The following COL3A1 variants were observed in gnomAD, a reference collection of about 807,000 sequenced individuals.
COL3A1 encodes the protein collagen alpha-1(III) chain.
Under a neutral mutation model 200.9 loss-of-function variants are expected in COL3A1, and 46 were observed. That is an observed-to-expected ratio of 0.23 (90% CI 0.18 to 0.29). The LOEUF (loss-of-function observed/expected upper bound fraction) is 0.29. Among genes scored for constraint, COL3A1 ranks in the 10% least tolerant of loss-of-function variants. COL3A1 has a pLI of 1.00. For missense variants in COL3A1, 1,367 were observed against 1,917.6 expected (o/e 0.71, Z 5.36); for synonymous variants, 650 against 628.0 (o/e 1.03, Z -0.52).
chr2:188,999,136 C>A (rs776550153), intron 29 of COL3A1, 149 bp from the exon 30 acceptor site: 4 of 779,680 alleles, frequency 5.1e-6, no homozygotes, highest in East Asian at 5.3e-5. Flanking sequence ...TAGTTCCCAC[C>A]CAGCTGTTCA....
intron 1 of COL3A1, among the ~76,000 whole-genome samples, chr2:188,980,773 T>G (rs997999587): frequency 6.6e-6 from 1 of 151,002 alleles, no homozygotes; most frequent in Non-Finnish European, 1.5e-5. Flanking sequence ...TTATTAAAAT[T>G]TATGTTTTCC....
chr2:189,010,378 A>G lies in COL3A1; in HGVS notation c.4011+13A>G. On this transcript the variant is annotated intron_variant, in intron 49 of 50. Transcript: ENST00000304636. ...TGGTGGTTTTCAGGTAGGAAAGGATATACCTTTTTTTAAATAAGTCACCTC... is the reference window on the plus strand; with the variant it reads ...TGGTGGTTTTCAGGTAGGAAAGGATGTACCTTTTTTTAAATAAGTCACCTC... The G allele has an allele frequency of 6.2e-7, 1 of 1,613,832 alleles. No homozygotes were observed. Among genetic ancestry groups the G allele is most frequent in the Non-Finnish European group, 8.5e-7 (1 of 1,179,744 alleles).
intron 8 of COL3A1, among the ~76,000 whole-genome samples, 186 bp downstream of exon 8, chr2:188,989,635 AT>A (rs1182632174): frequency 2.6e-5 from 4 of 152,150 alleles, no homozygotes; most frequent in Non-Finnish European, 5.9e-5. Flanking sequence ...TATATATATC[AT>A]TTGTTGAATT....
rs1265920017 is a variant in COL3A1 at position 188,992,234 on chromosome 2, T to A, written c.996+6T>A. On this transcript the variant is annotated splice_donor_region_variant and intron_variant, in intron 14 of 50. Coordinates refer to ENST00000304636, the MANE Select transcript of COL3A1 (RefSeq NM_000090.4). ...GAGGCAGTGATGGTCAACCAGTAAG[T>A]AACTTTCTATCTCTTATGTGTTGTA... 6.2e-7 allele frequency: 1 copy of A among 1,613,672 alleles called. No individual in the cohort carries two copies. Among genetic ancestry groups the A allele is most frequent in the South Asian group, 1.1e-5 (1 of 91,074 alleles).
intron 1 of COL3A1, among the ~76,000 whole-genome samples, chr2:188,984,464 G>C (rs1325988620): frequency 1.3e-5 from 2 of 151,990 alleles, no homozygotes; most frequent in Non-Finnish European, 1.5e-5. Flanking sequence ...TTAAATGCTT[G>C]TGTGATATAC....
intron 30 of COL3A1, 32 bp from the exon 31 acceptor site, chr2:188,999,438 C>T (rs754243036): frequency 9.3e-6 from 15 of 1,613,866 alleles, no homozygotes; most frequent in Non-Finnish European, 1.3e-5. Flanking sequence ...TGATTTCCTT[C>T]TGATCATTTA....
At chr2:188,986,498 T>TA (rs1209258739) in intron 4 of COL3A1, among the ~76,000 whole-genome samples, 1 of 151,984 alleles carries the variant, frequency 6.6e-6, no homozygotes, top group African/African-American at 2.4e-5. Flanking sequence ...ACTTAGAATT[T>TA]AAAAAAAGCT....
intron 5 of COL3A1, 149 bp from the exon 6 acceptor site, chr2:188,987,932 T>C: frequency 3.0e-6 from 2 of 673,590 alleles, no homozygotes; most frequent in South Asian, 1.7e-5. Context: ...ATCTTCATTA[T>C]AGATCTCATG....
At chr2:188,981,934 A>G (rs1687962065) in intron 1 of COL3A1, among the ~76,000 whole-genome samples, 1 of 151,708 alleles carries the variant, frequency 6.6e-6, no homozygotes, top group Non-Finnish European at 1.5e-5. Flanking sequence ...ATTTTCAGCC[A>G]CAAGTTTTTA....
At chr2:188,976,655 A>C (rs1687824164) in intron 1 of COL3A1, among the ~76,000 whole-genome samples, 3 of 152,176 alleles carry the variant, frequency 2.0e-5, no homozygotes, top group African/African-American at 7.2e-5. Flanking sequence ...CAGAGACGGC[A>C]CAGCTCTAAT....
rs781662866 is a variant in COL3A1 at position 188,995,103 on chromosome 2, GATAACTTTAGTTTCT to G, written c.1509+7_1509+21del. On this transcript the variant is annotated splice_donor_5th_base_variant and intron_variant, in intron 21 of 50. Transcript: ENST00000304636. Reference sequence around the variant, plus strand: ...AAATGGCATCCCAGGAGAAAAGGTAGATAACTTTAGTTTCTATGTTCCTAAATGCTAGCACCACAA... The same window carrying G: ...AAATGGCATCCCAGGAGAAAAGGTAGATGTTCCTAAATGCTAGCACCACAA... 1.1e-5 allele frequency: 18 copies of G among 1,613,896 alleles called. No individual in the cohort carries two copies. In the East Asian group the frequency reaches 2.0e-4, roughly 18 times the overall value.
Position 189,011,708 on chromosome 2 carries a change from A to T in COL3A1, c.4335A>T (p.Ala1445=). The T allele has an allele frequency of 6.2e-7, 1 of 1,614,044 alleles. No individual in the cohort carries two copies. The highest frequency in any genetic ancestry group is 8.5e-7 in the Non-Finnish European group (1 of 1,179,922). The change falls in exon 51 of 51, where the codon GCA becomes GCT. Residue 1445 remains alanine (A), a synonymous_variant. Transcript: ENST00000304636. ...KAVRLPIVDI[A]PYDIGGPDQE... ...TGAGACTACCTATTGTAGATATTGCACCCTATGACATTGGTGGTCCTGATC... is the reference window on the plus strand; with the variant it reads ...TGAGACTACCTATTGTAGATATTGCTCCCTATGACATTGGTGGTCCTGATC...
chr2:188,980,411 TAA>T, intron 1 of COL3A1, among the ~76,000 whole-genome samples: 1 of 59,882 alleles, frequency 1.7e-5, no homozygotes, highest in Non-Finnish European at 3.2e-5. Context: ...TAGACAATTC[TAA>T]AAGATTAATC....
At chr2:188,978,899 A>G (rs1238329509) in intron 1 of COL3A1, among the ~76,000 whole-genome samples, 1 of 151,952 alleles carries the variant, frequency 6.6e-6, no homozygotes, top group Non-Finnish European at 1.5e-5. Context: ...TGTGAACTGC[A>G]GTTGGGGGAG....
In COL3A1 at chr2:188,999,596, T is replaced by G. The variant is rs1688409155; in HGVS notation, c.2229+19T>G. ...TGACAAGGTGTTGACTTGTTTTCTC[T>G]TAATTGTTCAATAAATCAGTCATTG... On this transcript the variant is annotated intron_variant, in intron 31 of 50. Transcript: ENST00000304636. The G allele has an allele frequency of 6.2e-7, 1 of 1,608,756 alleles. No individual in the cohort carries two copies. Among genetic ancestry groups the G allele is most frequent in the Non-Finnish European group, 8.5e-7 (1 of 1,176,848 alleles).
chr2:188,997,586 C>A (rs1480790275), intron 26 of COL3A1, 114 bp from the exon 27 acceptor site: 2 of 1,228,650 alleles, frequency 1.6e-6, no homozygotes, highest in Non-Finnish European at 1.2e-6. Context: ...TCCAGGTCCT[C>A]CCTTTTCTTC....
chr2:188,996,133 C>A lies in COL3A1; in HGVS notation c.1617C>A (p.Pro539=), dbSNP rs141091206. Residue 539 remains proline (P), a synonymous_variant, in exon 23 of 51, where the codon CCC becomes CCA. Coordinates refer to ENST00000304636, the MANE Select transcript of COL3A1 (RefSeq NM_000090.4). ...VPGGPGMRGM[P]GSPGGPGSDG... is the part of the protein sequence containing the mutation. The stretch of plus-strand genomic sequence containing the variant: ...TGACTTCTTTACTTCAGGGCATGCC[C>A]GGAAGTCCAGGAGGACCAGGAAGTG... The A allele has an allele frequency of 1.2e-6, 2 of 1,613,352 alleles. No individual in the cohort carries two copies. The highest frequency in any genetic ancestry group is 1.7e-6 in the Non-Finnish European group (2 of 1,179,770).
rs1459588414 is a variant in COL3A1 at position 189,010,159 on chromosome 2, C to CT, written c.3824-13dup. ...CTGGATTTTATAACCAATTCCCATT[C>CT]TTTTTTGTGACTATTCAGGAGAATA... On this transcript the variant is annotated intron_variant, in intron 48 of 50. Transcript: ENST00000304636. 3.1e-6 allele frequency: 5 copies of CT among 1,612,968 alleles called. No homozygotes were observed. Among genetic ancestry groups the CT allele is most frequent in the African/African-American group, 2.7e-5 (2 of 75,014 alleles).
rs749433733 is a variant in COL3A1 at position 188,990,088 on chromosome 2, C to T, written c.691-8C>T. The T allele has an allele frequency of 6.2e-7, 1 of 1,613,110 alleles. No individual in the cohort carries two copies. The highest frequency in any genetic ancestry group is 8.5e-7 in the Non-Finnish European group (1 of 1,179,210). ...GAGCACCTACGTATTCTTTATTTCTCTACCTAGGGAGAATCAGGTAGACCC... is the reference window on the plus strand; with the variant it reads ...GAGCACCTACGTATTCTTTATTTCTTTACCTAGGGAGAATCAGGTAGACCC... On this transcript the variant is annotated splice_region_variant and splice_polypyrimidine_tract_variant and intron_variant, in intron 8 of 50. Transcript: ENST00000304636.
Sources: allele counts gnomAD v4.1 joint callset (sites outside exome capture counted in the v4.1 genomes callset), GRCh38; gene constraint gnomAD v4.1.1; transcripts MANE v1.5; gene names NCBI Gene and HGNC (gene_info 2026-07-23, HGNC 2026-07-21).